CACNA2D3: variants seen among roughly 807,000 people sequenced by gnomAD.
The protein encoded by CACNA2D3 is voltage-dependent calcium channel subunit alpha-2/delta-3.
CACNA2D3 carries 60 observed loss-of-function variants against 160.6 expected under a neutral mutation model. The ratio of observed to expected loss-of-function variants is 0.37; its 90% CI spans 0.30 to 0.46. The LOEUF (loss-of-function observed/expected upper bound fraction) is 0.46. Among genes scored for constraint, CACNA2D3 ranks in the 20% least tolerant of loss-of-function variants. CACNA2D3 has a pLI of 1.00. For missense variants in CACNA2D3, 1,205 were observed against 1,365.0 expected, an observed-to-expected ratio of 0.88 and a Z score of 1.85; for synonymous variants, 558 against 492.9, an observed-to-expected ratio of 1.13 and a Z score of -1.75.
intron 2 of CACNA2D3, among the ~76,000 whole-genome samples, chr3:54,239,003 G>A (rs990736038): frequency 8.5e-5 from 13 of 152,202 alleles, no homozygotes; most frequent in African/African-American, 2.9e-4. Flanking sequence ...TAACCATACT[G>A]TGGAAGCGAT....
At chr3:54,725,913 G>A (rs1023969842) in intron 11 of CACNA2D3, among the ~76,000 whole-genome samples, 2 of 152,094 alleles carry the variant, frequency 1.3e-5, no homozygotes, top group South Asian at 2.1e-4. Context: ...TTCTGGCTAG[G>A]GCAATCAGGC....
At chr3:54,821,875 T>G (rs1703611700) in intron 14 of CACNA2D3, among the ~76,000 whole-genome samples, 2 of 152,072 alleles carry the variant, frequency 1.3e-5, no homozygotes. Context: ...CTTCTATACT[T>G]CGAACAGTTG....
rs1702177984 is a variant in CACNA2D3, at chr3:54,552,675, C to T, written c.545-10125C>T. On this transcript the variant is annotated intron_variant, in intron 5 of 37. Coordinates refer to ENST00000474759, the MANE Select transcript of CACNA2D3 (RefSeq NM_018398.3). ...GTGTGTGGCACATTGTAAGTGCCCCCTAAGTGGCCATCTCTGCCGCTATCA... is the reference window on the plus strand; with the variant it reads ...GTGTGTGGCACATTGTAAGTGCCCCTTAAGTGGCCATCTCTGCCGCTATCA... Among the ~76,000 whole-genome samples, 3 of 152,108 alleles carry T rather than the reference C, an allele frequency of 2.0e-5. No individual in the cohort carries two copies. The South Asian group carries it at 6.2e-4, about 32-fold the overall frequency.
intron 2 of CACNA2D3, among the ~76,000 whole-genome samples, chr3:54,315,389 T>C (rs1475158815): frequency 6.6e-6 from 1 of 152,242 alleles, no homozygotes; most frequent in African/African-American, 2.4e-5. Context: ...GCAGCCCCTG[T>C]TAACTGCCAA....
chr3:54,698,733 G>T (rs1284308432), intron 11 of CACNA2D3, among the ~76,000 whole-genome samples: 1 of 152,122 alleles, frequency 6.6e-6, no homozygotes, highest in African/African-American at 2.4e-5. Context: ...ATGACTGAGG[G>T]AAATGTGAAC....
At chr3:55,024,621 G>T (rs984649063) in intron 35 of CACNA2D3, among the ~76,000 whole-genome samples, 1 of 152,102 alleles carries the variant, frequency 6.6e-6, no homozygotes, top group African/African-American at 2.4e-5. Flanking sequence ...TAAGTCTGCT[G>T]GTGTCTTGAT....
At chr3:54,626,451 G>T in intron 9 of CACNA2D3, 1 of 1,597,112 alleles carries the variant, frequency 6.3e-7, no homozygotes, top group Admixed American at 1.8e-5. Flanking sequence ...AGACGCACCT[G>T]CGTGACGTGA....
intron 11 of CACNA2D3, among the ~76,000 whole-genome samples, chr3:54,733,360 G>A (rs1701430197): frequency 1.3e-5 from 2 of 152,178 alleles, no homozygotes; most frequent in Non-Finnish European, 2.9e-5. Context: ...TAATTTGGGA[G>A]AAATATGAGC....
intron 11 of CACNA2D3, among the ~76,000 whole-genome samples, chr3:54,695,993 C>T (rs1325617076): frequency 6.6e-6 from 1 of 152,120 alleles, no homozygotes; most frequent in Admixed American, 6.6e-5. Context: ...ATTTTCCCTT[C>T]TTTCTACATC....
intron 3 of CACNA2D3, among the ~76,000 whole-genome samples, chr3:54,345,921 G>T (rs1698450004): frequency 6.6e-6 from 1 of 151,910 alleles, no homozygotes; most frequent in Non-Finnish European, 1.5e-5. Context: ...AATAAATACA[G>T]GGAGCTGGAA....
intron 2 of CACNA2D3, among the ~76,000 whole-genome samples, chr3:54,283,650 G>A (rs1575366668): frequency 6.6e-6 from 1 of 152,312 alleles, no homozygotes; most frequent in East Asian, 1.9e-4. Context: ...GTGTGTGTGT[G>A]TAATTGCACA....
intron 5 of CACNA2D3, among the ~76,000 whole-genome samples, chr3:54,543,174 G>A (rs910372116): frequency 1.3e-5 from 2 of 152,136 alleles, no homozygotes; most frequent in Non-Finnish European, 2.9e-5. Flanking sequence ...ACTTGAAATG[G>A]AATGCTATAC....
At chr3:54,766,202 A>G (rs910018459) in intron 13 of CACNA2D3, among the ~76,000 whole-genome samples, 3 of 152,232 alleles carry the variant, frequency 2.0e-5, no homozygotes, top group Admixed American at 2.0e-4. Flanking sequence ...AAATGATAAA[A>G]TAGGAGAAAA....
At chr3:54,135,025 A>G (rs1699790454) in intron 2 of CACNA2D3, among the ~76,000 whole-genome samples, 2 of 152,228 alleles carry the variant, frequency 1.3e-5, no homozygotes, top group African/African-American at 4.8e-5. Flanking sequence ...AGCTAATTCC[A>G]TAAAGCGCTT....
At chr3:54,661,838 ATGTGTGTATGTGTGTGTGTGTGTGTGTG>A (rs1189764284) in intron 11 of CACNA2D3, among the ~76,000 whole-genome samples, 9 of 146,724 alleles carry the variant, frequency 6.1e-5, no homozygotes, top group African/African-American at 1.0e-4. Flanking sequence ...CATCTCAGGG[ATGTGTGTATGTGTGTGTGTGTGTGTGTG>A]TGTGTGTGTG....
chr3:54,274,330 C>G (rs1244675075), intron 2 of CACNA2D3, among the ~76,000 whole-genome samples: 1 of 151,886 alleles, frequency 6.6e-6, no homozygotes, highest in Admixed American at 6.6e-5. Flanking sequence ...TTTCTTCTTT[C>G]TTTCTTTTTC....
At chr3:54,749,297 T>C (rs1701813889) in intron 11 of CACNA2D3, among the ~76,000 whole-genome samples, 1 of 152,244 alleles carries the variant, frequency 6.6e-6, no homozygotes. Context: ...ACTACACGAA[T>C]GTACCATGAA....
intron 2 of CACNA2D3, among the ~76,000 whole-genome samples, chr3:54,131,067 A>G (rs1699696591): frequency 6.6e-6 from 1 of 152,260 alleles, no homozygotes; most frequent in African/African-American, 2.4e-5. Flanking sequence ...GGCTCCTGCC[A>G]GTGAGTTGTT....
chr3:54,808,293 A>C (rs1387279506), intron 13 of CACNA2D3, among the ~76,000 whole-genome samples: 1 of 152,160 alleles, frequency 6.6e-6, no homozygotes, highest in African/African-American at 2.4e-5. Flanking sequence ...AAGCCATTAG[A>C]AGCTAGGTCT....
Sources: gnomAD v4.1 joint callset for allele counts (sites outside exome capture counted in the v4.1 genomes callset) on GRCh38, gnomAD v4.1.1 for gene constraint, MANE v1.5 for transcripts, NCBI Gene and HGNC (gene_info 2026-07-23, HGNC 2026-07-21) for gene names.